ACACB: variants seen among roughly 807,000 people sequenced by gnomAD.
ACACB encodes acetyl-CoA carboxylase 2.
ACACB carries 209 observed loss-of-function variants against 278.8 expected under a neutral mutation model. The observed-to-expected ratio is 0.75, with a 90% CI of 0.67 to 0.84. The LOEUF is 0.84. Ranked by LOEUF, ACACB falls within the 40% of genes least tolerant of loss-of-function variation. The pLI is 0.00. For missense variants in ACACB, 2,850 were observed against 3,269.0 expected (o/e 0.87, Z 3.13); for synonymous variants, 1,174 against 1,285.6 (o/e 0.91, Z 1.86).
At chr12:109,194,610 C>CTGTA (rs2045044149) in intron 16 of ACACB, among the ~76,000 whole-genome samples, 1 of 95,318 alleles carries the variant, frequency 1.0e-5, no homozygotes, top group African/African-American at 3.3e-5. Context: ...GCCTCTGCCT[C>CTGTA]TGTGTGTGTG....
chr12:109,256,220 G>A lies in ACACB; in HGVS notation c.6247G>A (p.Val2083Met), dbSNP rs778889891. Residue 2083 changes from valine (V) to methionine (M), a missense_variant, in exon 45 of 53, where the codon GTG becomes ATG. Physicochemically the swap from Val to Met is conservative, Grantham distance 21. Transcript: ENST00000338432. Reference sequence around the variant, plus strand: ...CATGGCACCCTGGGCGCAGACCGTGGTGACAGGACGAGCAAGGTAATCATG... The same window carrying A: ...CATGGCACCCTGGGCGCAGACCGTGATGACAGGACGAGCAAGGTAATCATG... ...EIMAPWAQTV[V>M]TGRARLGGIP... The A allele has an allele frequency of 3.1e-6, 5 of 1,613,914 alleles. No individual in the cohort carries two copies. The African/African-American group carries it at 6.7e-5, about 22-fold the overall frequency.
At chr12:109,207,935 C>A (rs1439016233) in intron 20 of ACACB, among the ~76,000 whole-genome samples, 1 of 152,198 alleles carries the variant, frequency 6.6e-6, no homozygotes, top group Non-Finnish European at 1.5e-5. Context: ...CCACCTTGGC[C>A]TCCCAAAGTA....
chr12:109,158,089 G>A (rs1365577478), intron 2 of ACACB, among the ~76,000 whole-genome samples: 1 of 152,172 alleles, frequency 6.6e-6, no homozygotes, highest in East Asian at 1.9e-4. Flanking sequence ...ATGGGACCCC[G>A]ACATCAGAAT....
At chr12:109,221,995 C>G (rs947563873) in intron 24 of ACACB, among the ~76,000 whole-genome samples, 1 of 151,692 alleles carries the variant, frequency 6.6e-6, no homozygotes, top group Non-Finnish European at 1.5e-5. Flanking sequence ...TCAAATCATC[C>G]TCCCACCTCA....
At chr12:109,235,995 T>A in intron 33 of ACACB, 1 of 196,962 alleles carries the variant, frequency 5.1e-6, no homozygotes. Context: ...TGAGACTCTG[T>A]CTCAAAAAAA....
At chr12:109,258,933 T>C in intron 46 of ACACB, 40 bp from the exon 47 acceptor site, 2 of 1,610,070 alleles carry the variant, frequency 1.2e-6, no homozygotes, top group Non-Finnish European at 1.7e-6. Context: ...TGGGTTGTGG[T>C]TGTGCAGAGA....
rs1372281299 is a variant in ACACB at position 109,265,115 on chromosome 12, C to T, written c.6948C>T (p.Ile2316=). The change falls in exon 51 of 53, where the codon ATC becomes ATT. Residue 2316 remains isoleucine (I), a synonymous_variant. Transcript: ENST00000338432. ...RMLEKGVISD[I]LEWKTARTFL... is the part of the protein sequence containing the mutation. Reference sequence around the variant, plus strand: ...CAAGCCTGGCTCGTCCACAGGACATCCTGGAGTGGAAGACCGCACGCACCT... The same window carrying T: ...CAAGCCTGGCTCGTCCACAGGACATTCTGGAGTGGAAGACCGCACGCACCT... 2 of 1,607,628 alleles carry T rather than the reference C, an allele frequency of 1.2e-6. No homozygotes were observed.
At chr12:109,155,600 G>A (rs2043510996) in intron 2 of ACACB, among the ~76,000 whole-genome samples, 1 of 148,628 alleles carries the variant, frequency 6.7e-6, no homozygotes, top group African/African-American at 2.5e-5. Context: ...TTTTTTTTCC[G>A]GTGCAGATAT....
At chr12:109,156,937 C>T (rs1276250081) in intron 2 of ACACB, among the ~76,000 whole-genome samples, 1 of 152,040 alleles carries the variant, frequency 6.6e-6, no homozygotes, top group Non-Finnish European at 1.5e-5. Context: ...TGGTCTCATG[C>T]CATCTTCAAA....
chr12:109,219,689 G>A (rs1424906677), intron 24 of ACACB, among the ~76,000 whole-genome samples: 2 of 152,286 alleles, frequency 1.3e-5, no homozygotes, highest in East Asian at 1.9e-4. Flanking sequence ...GCGCACGTAC[G>A]TTCTTATTAG....
At chr12:109,186,299 A>T (rs540068546) in intron 12 of ACACB, among the ~76,000 whole-genome samples, 5 of 152,234 alleles carry the variant, frequency 3.3e-5, no homozygotes, top group Middle Eastern at 6.8e-3. Flanking sequence ...CTGCTCACTT[A>T]TAGGACACTA....
chr12:109,162,381 T>A (rs1158900624), intron 2 of ACACB, among the ~76,000 whole-genome samples: 1 of 152,082 alleles, frequency 6.6e-6, no homozygotes, highest in African/African-American at 2.4e-5. Flanking sequence ...CCCCTGGCCA[T>A]CTGTACCACA....
chr12:109,251,757 G>T (rs551129137), intron 41 of ACACB, among the ~76,000 whole-genome samples: 45 of 152,268 alleles, frequency 3.0e-4, no homozygotes, highest in Non-Finnish European at 5.6e-4. Flanking sequence ...GAATGCCCAG[G>T]CTCAGAAGAG....
intron 16 of ACACB, among the ~76,000 whole-genome samples, chr12:109,195,998 G>A (rs1192738588): frequency 1.3e-5 from 2 of 152,108 alleles, no homozygotes; most frequent in African/African-American, 4.8e-5. Flanking sequence ...TGCTAATTTT[G>A]TTCTAATTTT....
intron 11 of ACACB, among the ~76,000 whole-genome samples, chr12:109,182,277 A>G (rs1330054598): frequency 6.6e-6 from 1 of 152,164 alleles, no homozygotes; most frequent in Non-Finnish European, 1.5e-5. Flanking sequence ...CCTGTTTGCC[A>G]TTCGTATGTC....
In ACACB at chr12:109,230,132, T is replaced by A. The variant is rs888236942; in HGVS notation, c.4002-2537T>A. On this transcript the variant is annotated intron_variant, in intron 28 of 52. Transcript: ENST00000338432. ...GGTTCATGCTTTGGTGAAGCGGGGA[T>A]TTTTCTGGCCTCTTAGGATTTTTAA... Among the ~76,000 whole-genome samples the A allele has an allele frequency of 3.3e-4, 50 of 152,308 alleles. 1 individual carries two copies. Among genetic ancestry groups the A allele is most frequent in the Admixed American group, 2.5e-3 (38 of 15,288 alleles).
In ACACB at chr12:109,191,898, G is replaced by A. The variant is rs539307430; in HGVS notation, c.2347G>A (p.Ala783Thr). 1 of 1,614,212 alleles carries A rather than the reference G, an allele frequency of 6.2e-7. No individual in the cohort carries two copies. The highest frequency in any genetic ancestry group is 2.2e-5 in the East Asian group (1 of 44,874). ...GGTGGTATGCGGGGCCTTGAACGTG[G>A]CCGATGCGATGTTCAGAACGTGCAT... is the stretch of plus-strand genomic sequence containing the variant. ...LGVVCGALNVADAMFRTCMTD... is the reference protein window; with the variant it reads ...LGVVCGALNVTDAMFRTCMTD... Residue 783 changes from alanine to threonine, a missense_variant, in exon 15 of 53, where the codon GCC (alanine) becomes ACC (threonine). This residue lies in a region of ACACB where 2,265 missense variants were observed against 2,561.3 expected (regional missense o/e 0.88). Coordinates refer to ENST00000338432, the MANE Select transcript of ACACB (RefSeq NM_001093.4).
intron 33 of ACACB, chr12:109,236,069 C>T (rs115987743): frequency 0.012 from 2,021 of 162,472 alleles, 55 homozygotes; most frequent in African/African-American, 0.046. Context: ...ATGGCTCAAG[C>T]GATTCTCTTG....
chr12:109,205,673 C>T (rs1194988840), intron 19 of ACACB, among the ~76,000 whole-genome samples: 3 of 151,978 alleles, frequency 2.0e-5, no homozygotes, highest in Non-Finnish European at 2.9e-5. Flanking sequence ...AGGCTGGTCT[C>T]GAACTCTTGA....
Sources: allele counts gnomAD v4.1 joint callset (sites outside exome capture counted in the v4.1 genomes callset), GRCh38; gene constraint gnomAD v4.1.1; regional missense constraint gnomAD v4.1.1; transcripts MANE v1.5; gene names NCBI Gene and HGNC (gene_info 2026-07-23, HGNC 2026-07-21).